The following TAF4 variants were observed in gnomAD, a reference collection of about 807,000 sequenced individuals.
TAF4 encodes the protein transcription initiation factor TFIID subunit 4.
TAF4 carries 9 observed loss-of-function variants against 90.3 expected under a neutral mutation model. The ratio of observed to expected loss-of-function variants is 0.10; its 90% CI spans 0.06 to 0.17. The LOEUF is 0.17. Among genes scored for constraint, TAF4 ranks in the 10% least tolerant of loss-of-function variants. The pLI, the probability that TAF4 is intolerant of heterozygous loss-of-function variation, is 1.00. For synonymous variants in TAF4, 818 were observed against 638.9 expected (o/e 1.28, Z -4.23); for missense variants, 1,351 against 1,370.7 (o/e 0.99, Z 0.23).
intron 1 of TAF4, among the ~76,000 whole-genome samples, chr20:62,030,853 G>A (rs1288351640): frequency 6.6e-6 from 1 of 152,120 alleles, no homozygotes; most frequent in Non-Finnish European, 1.5e-5. Flanking sequence ...CACGTGGCAG[G>A]GCCTGATTCA....
intron 14 of TAF4, among the ~76,000 whole-genome samples, chr20:61,982,103 C>G (rs1304666110): frequency 2.7e-5 from 3 of 110,998 alleles, no homozygotes; most frequent in Non-Finnish European, 3.7e-5. Context: ...CCACACAACA[C>G]ACACCCACCG....
rs746867084 is a variant in TAF4, at chr20:62,065,243, C to T, written c.568G>A (p.Ala190Thr). 4 of 1,056,864 alleles carry T rather than the reference C, an allele frequency of 3.8e-6. No homozygotes were observed. The highest frequency in any genetic ancestry group is 4.6e-6 in the Non-Finnish European group (4 of 870,008). 65.5% of individuals were successfully genotyped at this position (1,056,864 alleles called of 1,614,324 possible). ...PGPGPGPGKP[A>T]GPGAAQTLNG... Reference sequence around the variant, plus strand: ...AAAGTTTGCGCGGCGCCGGGGCCGGCGGGCTTGCCAGGGCCAGGGCCGGGG... The same window carrying T: ...AAAGTTTGCGCGGCGCCGGGGCCGGTGGGCTTGCCAGGGCCAGGGCCGGGG... Residue 190 changes from alanine to threonine, a missense_variant, in exon 1 of 15, where the codon GCC (alanine) becomes ACC (threonine). Around this residue, in one of 9 missense-constraint regions of TAF4, gnomAD observed 782 missense variants for 536.6 expected, o/e 1.46. Coordinates refer to ENST00000252996, the MANE Select transcript of TAF4 (RefSeq NM_003185.4).
intron 1 of TAF4, among the ~76,000 whole-genome samples, chr20:62,056,824 T>C (rs1230298381): frequency 1.3e-5 from 2 of 152,150 alleles, no homozygotes; most frequent in African/African-American, 4.8e-5. Context: ...AATTTTATCA[T>C]CAAAAAAATC....
chr20:62,003,088 G>A, intron 9 of TAF4, 72 bp downstream of exon 9: 2 of 1,331,198 alleles, frequency 1.5e-6, no homozygotes, highest in Admixed American at 1.9e-5. Flanking sequence ...GGGCGGGAAT[G>A]GAGCAGCACG....
At position 62,010,574 on chromosome 20, in the gene TAF4, TC is replaced by T. The variant is rs2055772906; in HGVS notation, c.1642-410del. On this transcript the variant is annotated intron_variant, in intron 3 of 14. Transcript: ENST00000252996. The surrounding 1 kb of genome is among the most constrained non-coding windows in gnomAD (Gnocchi z 4.5). ...AGAACGGCTCCTGAAAGCTCCATCC[TC>T]CCAGGTGCAGAGGCTGGCTACAGGG... is the stretch of plus-strand genomic sequence containing the variant. Among the ~76,000 whole-genome samples the T allele has an allele frequency of 6.6e-6, 1 of 151,976 alleles. No individual in the cohort carries two copies. Among genetic ancestry groups the T allele is most frequent in the Non-Finnish European group, 1.5e-5 (1 of 68,012 alleles).
intron 9 of TAF4, 101 bp from the exon 10 acceptor site, chr20:62,000,822 G>C (rs1053393907): frequency 9.1e-6 from 12 of 1,321,038 alleles, no homozygotes; most frequent in Non-Finnish European, 1.2e-5. Flanking sequence ...AGGCAGGGCC[G>C]TGAGGAGGCC....
At chr20:62,023,952 C>T (rs187925717) in intron 1 of TAF4, among the ~76,000 whole-genome samples, 26 of 151,934 alleles carry the variant, frequency 1.7e-4, no homozygotes, top group African/African-American at 5.1e-4. Flanking sequence ...TGTGGGCACG[C>T]CTGTGGTCCC....
chr20:62,003,765 C>A lies in TAF4; in HGVS notation c.2337G>T (p.Thr779=). ...GTGGGTTCAGCTGGATCTGCTGAGGCGTGGTGAGCATGATCCGGTTGTGAG... is the reference window on the plus strand; with the variant it reads ...GTGGGTTCAGCTGGATCTGCTGAGGAGTGGTGAGCATGATCCGGTTGTGAG... ...RQPHNRIMLT[T]PQQIQLNPLQ... Residue 779 remains threonine (T), a synonymous_variant, in exon 8 of 15, where the codon ACG becomes ACT. Transcript: ENST00000252996. 3 of 1,606,806 alleles carry A rather than the reference C, an allele frequency of 1.9e-6. No homozygotes were observed. The highest frequency in any genetic ancestry group is 2.5e-6 in the Non-Finnish European group (3 of 1,179,044).
intron 2 of TAF4, among the ~76,000 whole-genome samples, chr20:62,013,729 C>T (rs2055792909): frequency 1.3e-5 from 2 of 152,310 alleles, no homozygotes; most frequent in South Asian, 4.1e-4. Flanking sequence ...CAGGGAAACA[C>T]GGCAGGAGAC....
chr20:62,064,644 GACGGCGGCCGGGCTGGGCAGC>G lies in TAF4; in HGVS notation c.1146_1166del (p.Leu383_Val389del). 7.5e-7 allele frequency: 1 copy of G among 1,329,434 alleles called. No individual in the cohort carries two copies. The highest frequency in any genetic ancestry group is 9.6e-7 in the Non-Finnish European group (1 of 1,046,802). 82.4% of individuals were successfully genotyped at this position (1,329,434 alleles called of 1,614,324 possible). On this transcript the variant is annotated inframe_deletion, in exon 1 of 15. Transcript: ENST00000252996. ...TGGGGGTCCCGGGGGCGGGCGGCGG[GACGGCGGCCGGGCTGGGCAGC>G]GCCCCTTGCATAGTTGGCCCGATGA...
chr20:62,016,848 T>G (rs2055814857), intron 1 of TAF4, among the ~76,000 whole-genome samples: 1 of 152,170 alleles, frequency 6.6e-6, no homozygotes, highest in Non-Finnish European at 1.5e-5. Flanking sequence ...TCAAGAATTC[T>G]GAGAAGCCAG....
intron 14 of TAF4, among the ~76,000 whole-genome samples, chr20:61,993,830 G>A (rs961800469): frequency 2.6e-5 from 4 of 152,132 alleles, no homozygotes; most frequent in African/African-American, 9.7e-5. Context: ...TCAGCTCACT[G>A]CAACCTCCGC....
intron 1 of TAF4, among the ~76,000 whole-genome samples, chr20:62,020,489 C>A (rs148378094): frequency 2.4e-3 from 359 of 152,384 alleles, no homozygotes; most frequent in African/African-American, 7.9e-3. Flanking sequence ...GAACGCTAAA[C>A]TCTTCATTTA....
At chr20:62,018,938 G>A (rs1273557771) in intron 1 of TAF4, among the ~76,000 whole-genome samples, 3 of 152,220 alleles carry the variant, frequency 2.0e-5, no homozygotes, top group South Asian at 2.1e-4. Context: ...CCTCCTGACC[G>A]GGCCACTGTG....
chr20:62,044,814 G>A (rs892083377), intron 1 of TAF4, among the ~76,000 whole-genome samples: 3 of 152,218 alleles, frequency 2.0e-5, no homozygotes, highest in African/African-American at 7.2e-5. Flanking sequence ...AACTGCTCGA[G>A]AGTCATTTTC....
chr20:62,000,149 G>A lies in TAF4; in HGVS notation c.2762C>T (p.Ala921Val). 1 of 1,614,220 alleles carries A rather than the reference G, an allele frequency of 6.2e-7. No individual in the cohort carries two copies. The highest frequency in any genetic ancestry group is 8.5e-7 in the Non-Finnish European group (1 of 1,180,040). Residue 921 changes from alanine (A) to valine (V), a missense_variant, in exon 11 of 15, where the codon GCT becomes GTT. Around this residue, in one of 9 missense-constraint regions of TAF4, gnomAD observed 95 missense variants for 151.3 expected, o/e 0.63. Coordinates refer to ENST00000252996, the MANE Select transcript of TAF4 (RefSeq NM_003185.4). ...CTTGTAAGAAAAGTTCTTCTGCTGA[G>A]CTGTTTCTGATATTTTCTCTACAAG... ...QNLVEKISETAQQKNFSYKDD... is the reference protein window; with the variant it reads ...QNLVEKISETVQQKNFSYKDD...
chr20:62,064,996 G>C lies in TAF4; in HGVS notation c.815C>G (p.Pro272Arg). The stretch of plus-strand genomic sequence containing the variant: ...CAGAGTGGCGGGCGCGGGGGGTGGC[G>C]GGGGCGGGGCGGCGGCGGGGGCGGC... ...APAAPAAAPP[P>R]PPPAPATLAR... The change falls in exon 1 of 15, where the codon CCG becomes CGG. Residue 272 changes from proline (P) to arginine (R), a missense_variant. Transcript: ENST00000252996. The C allele has an allele frequency of 3.7e-6, 1 of 270,544 alleles. No individual in the cohort carries two copies. Among genetic ancestry groups the C allele is most frequent in the Non-Finnish European group, 5.3e-6 (1 of 187,256 alleles). 16.8% of individuals were successfully genotyped at this position (270,544 alleles called of 1,614,324 possible). A position where few individuals can be genotyped will look rare whatever the true frequency, so the allele number is the denominator to read the frequency against.
At chr20:62,061,918 T>C (rs2056090916) in intron 1 of TAF4, among the ~76,000 whole-genome samples, 1 of 152,234 alleles carries the variant, frequency 6.6e-6, no homozygotes, top group Non-Finnish European at 1.5e-5. Flanking sequence ...GTGTGCACTA[T>C]GGGGCTGAAA....
chr20:62,053,153 C>T (rs1600863614), intron 1 of TAF4, among the ~76,000 whole-genome samples: 1 of 152,146 alleles, frequency 6.6e-6, no homozygotes, highest in Non-Finnish European at 1.5e-5. Context: ...ACAGAGCACC[C>T]GAAAGTGGAA....
Sources: gnomAD v4.1 joint callset for allele counts (sites outside exome capture counted in the v4.1 genomes callset) on GRCh38, gnomAD v4.1.1 for gene constraint, gnomAD v4.1.1 regional missense constraint, Gnocchi (gnomAD v3.1) non-coding constraint, MANE v1.5 for transcripts, NCBI Gene and HGNC (gene_info 2026-07-23, HGNC 2026-07-21) for gene names.